ESF1: variants seen among roughly 807,000 people sequenced by gnomAD.
ESF1 encodes the protein ESF1 homolog.
In ESF1, 58 loss-of-function variants were observed where a neutral mutation model predicts 92.0. That is an observed-to-expected ratio of 0.63 (90% CI 0.51 to 0.78). The LOEUF is 0.78. Ranked by LOEUF, ESF1 falls within the 30% of genes least tolerant of loss-of-function variation. The pLI is 0.00. For missense variants in ESF1, 922 were observed against 989.1 expected, an observed-to-expected ratio of 0.93 and a Z score of 0.91; for synonymous variants, 321 against 313.7, an observed-to-expected ratio of 1.02 and a Z score of -0.24.
At chr20:13,736,092 C>T (rs2049973702) in intron 9 of ESF1, among the ~76,000 whole-genome samples, 1 of 152,120 alleles carries the variant, frequency 6.6e-6, no homozygotes, top group African/African-American at 2.4e-5. Context: ...AAGTCCATTC[C>T]TGTAACTTTG....
chr20:13,718,080 T>C (rs762955300), intron 12 of ESF1, among the ~76,000 whole-genome samples: 3 of 152,060 alleles, frequency 2.0e-5, no homozygotes, highest in African/African-American at 7.2e-5. Flanking sequence ...CTACCAGCCA[T>C]GGGATTAAAC....
chr20:13,724,965 T>C (rs1407769062), intron 11 of ESF1, among the ~76,000 whole-genome samples: 1 of 152,242 alleles, frequency 6.6e-6, no homozygotes, highest in East Asian at 1.9e-4. Context: ...ATACCGCTGC[T>C]CTTGCCACAT....
Position 13,714,997 on chromosome 20 carries a change from T to C in ESF1, c.2433A>G (p.Lys811=), listed in dbSNP as rs2049813727. ...EQELTQAIKK[K]ESEIEKESQR... The stretch of plus-strand genomic sequence containing the variant: ...GTGATTCCTTTTCAATCTCACTCTC[T>C]TTTTTCTTTATTGCCTGAGTAAGTT... The change falls in exon 14 of 14, where the codon AAA becomes AAG. Residue 811 remains lysine, a synonymous_variant. Coordinates refer to ENST00000617257, the MANE Select transcript of ESF1 (RefSeq NM_001276380.2). 2 of 1,614,070 alleles carry C rather than the reference T, an allele frequency of 1.2e-6. No individual in the cohort carries two copies. The highest frequency in any genetic ancestry group is 1.7e-6 in the Non-Finnish European group (2 of 1,180,006).
Position 13,772,571 on chromosome 20 carries a change from T to A in ESF1, c.1194A>T (p.Gln398His). The A allele has an allele frequency of 6.2e-7, 1 of 1,613,082 alleles. No homozygotes were observed. The highest frequency in any genetic ancestry group is 8.5e-7 in the Non-Finnish European group (1 of 1,179,554). The change falls in exon 5 of 14, where the codon CAA becomes CAT. Residue 398 changes from glutamine (Q) to histidine (H), a missense_variant. Coordinates refer to ENST00000617257, the MANE Select transcript of ESF1 (RefSeq NM_001276380.2). ...EFGKERMKEE[Q>H]VQGPVELLSI... ...TTAATAGCTCTACTGGTCCTTGAACTTGCTCTTCCTTCATCCTCTCCTTTC... is the reference window on the plus strand; with the variant it reads ...TTAATAGCTCTACTGGTCCTTGAACATGCTCTTCCTTCATCCTCTCCTTTC...
chr20:13,727,449 C>G (rs2049907848), intron 11 of ESF1, among the ~76,000 whole-genome samples: 1 of 152,142 alleles, frequency 6.6e-6, no homozygotes, highest in Non-Finnish European at 1.5e-5. Context: ...ACTATTCTGG[C>G]CCACTAGTCA....
At chr20:13,729,709 CTCTGT>C (rs1276998212) in intron 10 of ESF1, among the ~76,000 whole-genome samples, 2 of 152,160 alleles carry the variant, frequency 1.3e-5, no homozygotes, top group African/African-American at 4.8e-5. Context: ...GTAATGAACC[CTCTGT>C]TCTCATCGCC....
At position 13,714,816 on chromosome 20, in the gene ESF1, A is replaced by T; in HGVS notation, c.*58T>A. 7.5e-7 allele frequency: 1 copy of T among 1,334,032 alleles called. No individual in the cohort carries two copies. The highest frequency in any genetic ancestry group is 1.5e-5 in the African/African-American group (1 of 68,052). The allele number at this position is 1,334,032 out of a possible 1,614,324, so 82.6% of individuals were successfully genotyped here. On this transcript the variant is annotated 3_prime_UTR_variant, in exon 14 of 14. Coordinates refer to ENST00000617257, the MANE Select transcript of ESF1 (RefSeq NM_001276380.2). ...TTGTTCCCAATAAATATTCCCTCCT[A>T]TTATTTTTGTACATTTTAGGAAAAG... is the stretch of plus-strand genomic sequence containing the variant.
chr20:13,739,721 C>CA (rs112560154), intron 9 of ESF1, among the ~76,000 whole-genome samples: 7,943 of 77,794 alleles, frequency 0.1, 375 homozygotes, highest in African/African-American at 0.2. Flanking sequence ...TAAGAAAGTT[C>CA]AAAAAAAAAA....
chr20:13,779,507 A>G (rs1012987753), intron 2 of ESF1, among the ~76,000 whole-genome samples: 7 of 152,178 alleles, frequency 4.6e-5, no homozygotes, highest in Non-Finnish European at 8.8e-5. Flanking sequence ...TATTTAATTA[A>G]TCTCTTAATG....
Position 13,777,894 on chromosome 20 carries a change from G to T in ESF1, c.638-1624C>A, listed in dbSNP as rs143409697. Among the ~76,000 whole-genome samples, 3 of 152,222 alleles carry T rather than the reference G, an allele frequency of 2.0e-5. No homozygotes were observed. The East Asian group carries it at 5.8e-4, about 29-fold the overall frequency. ...TGAAATTGGAACTAATTTTCTCTTG[G>T]TCCTATAATCTTATAATAGTTATTC... is the stretch of plus-strand genomic sequence containing the variant. On this transcript the variant is annotated intron_variant, in intron 2 of 13. Transcript: ENST00000617257.
rs1264076784 is a variant in ESF1, at chr20:13,715,057, C to T, written c.2373G>A (p.Glu791=). The T allele has an allele frequency of 6.2e-7, 1 of 1,613,758 alleles. No individual in the cohort carries two copies. Among genetic ancestry groups the T allele is most frequent in the South Asian group, 1.1e-5 (1 of 91,060 alleles). ...TCCGTTCTCTTTGCCGGGCCTTCTC[C>T]TCAAGGATTTTTTCCATAGCTTTTG... is the stretch of plus-strand genomic sequence containing the variant. ...KKTKAMEKIL[E]EKARQRERKE... Residue 791 remains glutamate, a synonymous_variant, in exon 14 of 14, where the codon GAG becomes GAA. Transcript: ENST00000617257.
rs1302849870 is a variant in ESF1 at position 13,733,802 on chromosome 20, C to T, written c.1869G>A (p.Leu623=). ...ESAEEMVKNK[L]EGKDKLTPWE... ...AAGGGGTCAGTTTATCCTTTCCTTC[C>T]AATTTGTTTTTGACCATCTCTTCTG... Residue 623 remains leucine, a synonymous_variant, in exon 10 of 14, where the codon TTG becomes TTA. Transcript: ENST00000617257. The T allele has an allele frequency of 1.9e-6, 3 of 1,612,560 alleles. No individual in the cohort carries two copies. The African/African-American group carries it at 4.0e-5, about 22-fold the overall frequency.
intron 4 of ESF1, among the ~76,000 whole-genome samples, 154 bp from the exon 5 acceptor site, chr20:13,772,769 T>A (rs955270417): frequency 6.6e-6 from 1 of 152,140 alleles, no homozygotes; most frequent in Non-Finnish European, 1.5e-5. Flanking sequence ...AGCTAGAGCA[T>A]CTTGAGAAAT....
rs768439470 is a variant in ESF1 at position 13,772,559 on chromosome 20, T to C, written c.1206A>G (p.Pro402=). Residue 402 remains proline, a synonymous_variant, in exon 5 of 14, where the codon CCA becomes CCG. Transcript: ENST00000617257. The part of the protein sequence containing the change: ...ERMKEEQVQG[P]VELLSIPEDA... ...CTTCAGGAATACTTAATAGCTCTAC[T>C]GGTCCTTGAACTTGCTCTTCCTTCA... 2 of 1,613,188 alleles carry C rather than the reference T, an allele frequency of 1.2e-6. No homozygotes were observed. The highest frequency in any genetic ancestry group is 4.5e-5 in the East Asian group (2 of 44,794).
intron 9 of ESF1, among the ~76,000 whole-genome samples, chr20:13,737,272 G>C (rs1402825288): frequency 1.3e-5 from 2 of 152,124 alleles, no homozygotes; most frequent in Non-Finnish European, 1.5e-5. Flanking sequence ...CACAAACATA[G>C]ATGACTCAAT....
Position 13,748,442 on chromosome 20 carries a change from A to ACATATATATACACG in ESF1, c.1828+11249_1828+11250insCGTGTATATATATG. Reference sequence around the variant, plus strand: ...TATACATATACACATATATATACACATATATACATATATATACATATATAC... The same window carrying ACATATATATACACG: ...TATACATATACACATATATATACACACATATATATACACGTATATACATATATATACATATATAC... On this transcript the variant is annotated intron_variant, in intron 9 of 13. Transcript: ENST00000617257. 1.6e-5 allele frequency among the ~76,000 whole-genome samples: 2 copies of ACATATATATACACG among 123,556 alleles called. 1 individual carries two copies. The highest frequency in any genetic ancestry group is 6.0e-5 in the African/African-American group (2 of 33,530). The allele number at this position is 123,556 out of a possible 152,430, so 81.1% of individuals were successfully genotyped here.
At chr20:13,730,289 G>A (rs1369646736) in intron 10 of ESF1, among the ~76,000 whole-genome samples, 1 of 151,624 alleles carries the variant, frequency 6.6e-6, no homozygotes, top group Non-Finnish European at 1.5e-5. Context: ...GGGCAGGCTG[G>A]TCTTGAACTC....
chr20:13,778,175 CTT>C (rs777121133), intron 2 of ESF1, among the ~76,000 whole-genome samples: 1 of 152,122 alleles, frequency 6.6e-6, no homozygotes, highest in Non-Finnish European at 1.5e-5. Context: ...GAAAAGGCAT[CTT>C]GTTAGAAGGA....
At chr20:13,731,515 G>C (rs1453686223) in intron 10 of ESF1, among the ~76,000 whole-genome samples, 5 of 118,006 alleles carry the variant, frequency 4.2e-5, no homozygotes, top group South Asian at 2.8e-4. Flanking sequence ...CTGGGCGACA[G>C]AGCGAGACTC....
Sources: allele counts gnomAD v4.1 joint callset (sites outside exome capture counted in the v4.1 genomes callset), GRCh38; gene constraint gnomAD v4.1.1; transcripts MANE v1.5; gene names NCBI Gene and HGNC (gene_info 2026-07-23, HGNC 2026-07-21).